VPS13D: variants seen among roughly 807,000 people sequenced by gnomAD.
VPS13D encodes intermembrane lipid transfer protein VPS13D.
Under a neutral mutation model 461.9 loss-of-function variants are expected in VPS13D, and 187 were observed. The ratio of observed to expected loss-of-function variants is 0.40; its 90% CI spans 0.36 to 0.46. The LOEUF (loss-of-function observed/expected upper bound fraction) is 0.46. Among genes scored for constraint, VPS13D ranks in the 20% least tolerant of loss-of-function variants. VPS13D has a pLI of 0.60. For missense variants in VPS13D, 4,711 were observed against 5,364.9 expected (o/e 0.88, Z 3.81); for synonymous variants, 1,951 against 1,986.3 (o/e 0.98, Z 0.47).
At chr1:12,412,250 C>T (rs1307703285) in intron 63 of VPS13D, among the ~76,000 whole-genome samples, 1 of 152,212 alleles carries the variant, frequency 6.6e-6, no homozygotes, top group African/African-American at 2.4e-5. Flanking sequence ...TCTGTAGATT[C>T]AGTACAGTCC....
intron 67 of VPS13D, among the ~76,000 whole-genome samples, chr1:12,494,587 C>T (rs990357395): frequency 6.6e-6 from 1 of 152,212 alleles, no homozygotes; most frequent in African/African-American, 2.4e-5. Flanking sequence ...CTCGGATCCA[C>T]CAGAGGCATT....
At chr1:12,239,713 G>A (rs190772551) in intron 2 of VPS13D, among the ~76,000 whole-genome samples, 5 of 152,230 alleles carry the variant, frequency 3.3e-5, no homozygotes, top group African/African-American at 1.2e-4. Context: ...CTGGAGCAGC[G>A]GGAAGAGAGT....
chr1:12,345,318 T>G, intron 42 of VPS13D, 56 bp from the exon 43 acceptor site: 1 of 1,551,034 alleles, frequency 6.4e-7, no homozygotes, highest in South Asian at 1.2e-5. Context: ...TTGCTTCTAC[T>G]TTTCATCCCT....
chr1:12,497,526 C>A lies in VPS13D; in HGVS notation c.12689C>A (p.Pro4230Gln). The A allele has an allele frequency of 6.2e-7, 1 of 1,614,042 alleles. No individual in the cohort carries two copies. Among genetic ancestry groups the A allele is most frequent in the Non-Finnish European group, 8.5e-7 (1 of 1,179,966 alleles). The part of the protein sequence containing the change: ...PRTQAQRVRK[P>Q]RCCTGPQGLL... ...ACTCAAGCACAGAGGGTTCGGAAAC[C>A]GCGTTGCTGCACGGGGCCCCAGGGG... The change falls in exon 68 of 70, where the codon CCG becomes CAG. Residue 4230 changes from proline (P) to glutamine (Q), a missense_variant. By Grantham distance (76) the Pro-to-Gln change is moderately conservative. Transcript: ENST00000620676.
At chr1:12,476,428 G>T (rs570007082) in intron 67 of VPS13D, among the ~76,000 whole-genome samples, 1 of 152,340 alleles carries the variant, frequency 6.6e-6, no homozygotes, top group South Asian at 2.1e-4. Context: ...AGGCCTTCAG[G>T]AGTCCTCGTG....
chr1:12,385,193 C>A (rs1644334884), intron 58 of VPS13D, 67 bp from the exon 59 acceptor site: 1 of 1,302,346 alleles, frequency 7.7e-7, no homozygotes, highest in Non-Finnish European at 1.1e-6. Context: ...CACAGTTGTT[C>A]TGGGTTAGAA....
In VPS13D at chr1:12,283,244, C is replaced by T; in HGVS notation, c.5142C>T (p.Ser1714=). The T allele has an allele frequency of 1.2e-6, 2 of 1,614,084 alleles. No homozygotes were observed. Among genetic ancestry groups the T allele is most frequent in the Non-Finnish European group, 1.7e-6 (2 of 1,180,020 alleles). The change falls in exon 21 of 70, where the codon TCC becomes TCT. Residue 1714 remains serine (S), a synonymous_variant. Transcript: ENST00000620676. ...EYLSQSCPSV[S]NVEYPDMPRS... ...TTTCTCAGTCTTGCCCCTCAGTGTC[C>T]AATGTGGAATATCCTGATATGCCTC...
chr1:12,354,365 T>C, intron 47 of VPS13D, 144 bp downstream of exon 47: 1 of 1,103,796 alleles, frequency 9.1e-7, no homozygotes, highest in Admixed American at 2.8e-5. Flanking sequence ...ATCAGTGCAG[T>C]TAAAAAAAAA....
Position 12,349,333 on chromosome 1 carries a change from A to G in VPS13D, c.9390A>G (p.Arg3130=), listed in dbSNP as rs376271930. 1.7e-4 allele frequency: 270 copies of G among 1,614,144 alleles called. 1 individual carries two copies. Among genetic ancestry groups the G allele is most frequent in the Non-Finnish European group, 1.9e-4 (229 of 1,180,028 alleles). ...CTGCAGAAATTAGTAGCAGTAAACG[A>G]GAGTGCCACTCTATGGACACAGAAA... is the stretch of plus-strand genomic sequence containing the variant. ...VKTAEISSSK[R]ECHSMDTEKS... Residue 3130 remains arginine (R), a synonymous_variant, in exon 46 of 70, where the codon CGA becomes CGG. Transcript: ENST00000620676.
At chr1:12,230,640 C>T (rs375608098) in intron 1 of VPS13D, among the ~76,000 whole-genome samples, 1 of 152,134 alleles carries the variant, frequency 6.6e-6, no homozygotes. Flanking sequence ...AATCAGCCAC[C>T]CGAGGTCACA....
chr1:12,436,507 C>A lies in VPS13D; in HGVS notation c.12334-19491C>A, dbSNP rs186918009. ...GGGAAAGACTGGCTCATTGTACATCCCTTTGTTTTCCCTTGTTTCGCCCCC... is the reference window on the plus strand; with the variant it reads ...GGGAAAGACTGGCTCATTGTACATCACTTTGTTTTCCCTTGTTTCGCCCCC... On this transcript the variant is annotated intron_variant, in intron 65 of 69. Transcript: ENST00000620676. 1.7e-4 allele frequency among the ~76,000 whole-genome samples: 26 copies of A among 152,218 alleles called. No homozygotes were observed. In the East Asian group the frequency reaches 4.8e-3, roughly 28 times the overall value.
chr1:12,497,414 C>T (rs1645974665), intron 67 of VPS13D, 86 bp from the exon 68 acceptor site: 6 of 1,476,678 alleles, frequency 4.1e-6, no homozygotes, highest in South Asian at 2.7e-5. Context: ...TCTCGTATTA[C>T]AGAGTGCTTT....
chr1:12,500,650 A>AT (rs1646022835), intron 68 of VPS13D, among the ~76,000 whole-genome samples: 2 of 152,060 alleles, frequency 1.3e-5, no homozygotes, highest in East Asian at 2.0e-4. Flanking sequence ...CATTTATGGG[A>AT]TTTTTTAAAT....
rs1436921055 is a variant in VPS13D, at chr1:12,261,905, T to G, written c.1419T>G (p.Thr473=). 6.2e-7 allele frequency: 1 copy of G among 1,608,596 alleles called. No individual in the cohort carries two copies. The highest frequency in any genetic ancestry group is 1.3e-5 in the African/African-American group (1 of 74,824). The part of the protein sequence containing the change: ...EQWIPEEILG[T]EEFFDPTADA... ...CTTTTCTCCCTTACCATTTAGGCAC[T>G]GAGGAGTTTTTTGACCCCACTGCAG... is the stretch of plus-strand genomic sequence containing the variant. Residue 473 remains threonine (T), a synonymous_variant, in exon 13 of 70, where the codon ACT becomes ACG. Transcript: ENST00000620676.
At position 12,373,923 on chromosome 1, in the gene VPS13D, A is replaced by C. The variant is rs903701477; in HGVS notation, c.10917+65A>C. Reference sequence around the variant, plus strand: ...TTAGCACTGGACGGGACTCAGGATCACCCAGTGCAGAGTCCTTATTTCATG... The same window carrying C: ...TTAGCACTGGACGGGACTCAGGATCCCCCAGTGCAGAGTCCTTATTTCATG... On this transcript the variant is annotated intron_variant, in intron 55 of 69. Transcript: ENST00000620676. 3.1e-6 allele frequency: 4 copies of C among 1,282,644 alleles called. No individual in the cohort carries two copies. The African/African-American group carries it at 6.1e-5, about 20-fold the overall frequency. 79.5% of individuals were successfully genotyped at this position (1,282,644 alleles called of 1,614,324 possible). A position where few individuals can be genotyped will look rare whatever the true frequency, so the allele number is the denominator to read the frequency against.
At chr1:12,324,249 T>C (rs150045233) in intron 35 of VPS13D, among the ~76,000 whole-genome samples, 1,590 of 152,244 alleles carry the variant, frequency 0.01, 21 homozygotes, top group African/African-American at 0.036. Context: ...GGCTCATGCC[T>C]ATAATCCCAA....
rs1644350151 is a variant in VPS13D at position 12,386,279 on chromosome 1, A to G, written c.11579A>G (p.His3860Arg). Residue 3860 changes from histidine (H) to arginine (R), a missense_variant, in exon 60 of 70, where the codon CAC becomes CGC. Physicochemically the swap from His to Arg is conservative, Grantham distance 29 (BLOSUM62 0). Transcript: ENST00000620676. ...VFASLTGINV[H>R]YTQLATSHML... ...GCAAGTCTTACAGGAATCAATGTGC[A>G]CTATACACAGCTGGCAACCAGTCAC... 5 of 1,613,370 alleles carry G rather than the reference A, an allele frequency of 3.1e-6. No homozygotes were observed. In the African/African-American group the frequency reaches 5.3e-5, roughly 17 times the overall value.
At chr1:12,333,140 G>A in intron 37 of VPS13D, 86 bp from the exon 38 acceptor site, 3 of 1,490,320 alleles carry the variant, frequency 2.0e-6, no homozygotes. Flanking sequence ...GCTCGAGTTT[G>A]TCCTTGCTGA....
chr1:12,317,419 C>T (rs1642919292), intron 30 of VPS13D, among the ~76,000 whole-genome samples: 1 of 151,802 alleles, frequency 6.6e-6, no homozygotes, highest in South Asian at 2.1e-4. Context: ...TTTATCATAC[C>T]AGAATTTCTT....
Sources: gnomAD v4.1 joint callset for allele counts (sites outside exome capture counted in the v4.1 genomes callset) on GRCh38, gnomAD v4.1.1 for gene constraint, MANE v1.5 for transcripts, NCBI Gene and HGNC (gene_info 2026-07-23, HGNC 2026-07-21) for gene names.